PEMT: variants seen among roughly 807,000 people sequenced by gnomAD.
The protein encoded by PEMT is phosphatidylethanolamine N-methyltransferase.
Under a neutral mutation model 27.4 loss-of-function variants are expected in PEMT, and 23 were observed. That is an observed-to-expected ratio of 0.84 (90% CI 0.60 to 1.19). The LOEUF is 1.19. Ranked by LOEUF, PEMT falls within the 50% of genes most tolerant of loss-of-function variation. PEMT has a pLI of 0.00. For missense variants in PEMT, 307 were observed against 310.1 expected (o/e 0.99, Z 0.07); for synonymous variants, 137 against 139.1 (o/e 0.98, Z 0.11).
intron 2 of PEMT, among the ~76,000 whole-genome samples, chr17:17,528,412 G>A (rs980019537): frequency 4.6e-5 from 7 of 152,308 alleles, no homozygotes; most frequent in Non-Finnish European, 7.4e-5. Context: ...AATCCCACGT[G>A]GGGCTACCAC....
chr17:17,549,934 G>A (rs930250235), intron 2 of PEMT, among the ~76,000 whole-genome samples: 3 of 152,230 alleles, frequency 2.0e-5, no homozygotes, highest in Non-Finnish European at 4.4e-5. Context: ...CCAACAGGGG[G>A]TGGGCAGCGT....
At chr17:17,533,504 T>C (rs1200415301) in intron 2 of PEMT, among the ~76,000 whole-genome samples, 1 of 152,262 alleles carries the variant, frequency 6.6e-6, no homozygotes, top group Non-Finnish European at 1.5e-5. Flanking sequence ...TTTAGACTTT[T>C]ATACTTCAAA....
intron 1 of PEMT, among the ~76,000 whole-genome samples, chr17:17,579,092 T>A (rs1911819413): frequency 6.6e-6 from 1 of 152,148 alleles, no homozygotes; most frequent in Non-Finnish European, 1.5e-5. Context: ...GGGGAAGCGG[T>A]GGGGAGGAGA....
chr17:17,562,800 G>A (rs972777776), intron 2 of PEMT, among the ~76,000 whole-genome samples: 3 of 152,030 alleles, frequency 2.0e-5, no homozygotes, highest in African/African-American at 7.2e-5. Context: ...CAGAGCAAGA[G>A]TCTGTCTCAA....
At chr17:17,521,306 AG>A (rs1214685160) in intron 3 of PEMT, among the ~76,000 whole-genome samples, 1 of 152,188 alleles carries the variant, frequency 6.6e-6, no homozygotes, top group African/African-American at 2.4e-5. Flanking sequence ...AATGATTCTC[AG>A]GGTACTGTGG....
Position 17,582,165 on chromosome 17 carries a change from G to A in PEMT, c.97-5138C>T. The A allele has an allele frequency of 3.1e-6, 2 of 653,548 alleles. No individual in the cohort carries two copies. The highest frequency in any genetic ancestry group is 3.8e-6 in the Non-Finnish European group (2 of 526,916). The allele number at this position is 653,548 out of a possible 1,614,324, so 40.5% of individuals were successfully genotyped here. ...GCCCCAACCTCCTTCATACAACAGA[G>A]GTCCCGGCTTTCTGCTACCCAGTAA... On this transcript the variant is annotated intron_variant, in intron 1 of 6. Transcript: ENST00000255389. The surrounding 1 kb of genome is among the most constrained non-coding windows in gnomAD (Gnocchi z 4.9).
At chr17:17,545,674 T>A (rs1022403429) in intron 2 of PEMT, among the ~76,000 whole-genome samples, 1 of 152,226 alleles carries the variant, frequency 6.6e-6, no homozygotes, top group African/African-American at 2.4e-5. Context: ...TACTTTTGCC[T>A]GCTTCCAAAC....
intron 2 of PEMT, among the ~76,000 whole-genome samples, chr17:17,564,879 A>G (rs1300436832): frequency 6.6e-6 from 1 of 152,134 alleles, no homozygotes; most frequent in Non-Finnish European, 1.5e-5. Context: ...GCCTCCAGGA[A>G]CACACACCCC....
chr17:17,506,438 A>G (rs982119650), intron 5 of PEMT, 137 bp from the exon 6 acceptor site: 11 of 604,318 alleles, frequency 1.8e-5, no homozygotes, highest in African/African-American at 1.7e-4. Flanking sequence ...GACCGAGCCC[A>G]GGCAGCACTG....
chr17:17,517,407 C>T (rs764219893), intron 3 of PEMT, among the ~76,000 whole-genome samples: 9 of 152,232 alleles, frequency 5.9e-5, no homozygotes, highest in Non-Finnish European at 1.2e-4. Flanking sequence ...ACGCTGCACA[C>T]GCCCAGCCCT....
intron 3 of PEMT, chr17:17,518,122 C>CCGATGTG (rs1567672802): frequency 1.0e-6 from 1 of 985,400 alleles, no homozygotes; most frequent in African/African-American, 1.7e-5. Flanking sequence ...CCAGGCAATT[C>CCGATGTG]CGATGTGCGC....
In PEMT at chr17:17,522,214, A is replaced by G. The variant is rs991355059; in HGVS notation, c.320+66T>C. On this transcript the variant is annotated intron_variant, in intron 3 of 6. Transcript: ENST00000255389. The stretch of plus-strand genomic sequence containing the variant: ...GCTCCCGCGTGGTGAGGGATGAGGT[A>G]CCACCAGTAGCGGCCCTCCCGCTAG... 9 of 1,164,244 alleles carry G rather than the reference A, an allele frequency of 7.7e-6. No individual in the cohort carries two copies. In the African/African-American group the frequency reaches 1.0e-4, roughly 14 times the overall value. 72.1% of individuals were successfully genotyped at this position (1,164,244 alleles called of 1,614,324 possible). A position where few individuals can be genotyped will look rare whatever the true frequency, so the allele number is the denominator to read the frequency against.
chr17:17,591,957 T>C (rs1291306476), upstream of PEMT: 10 of 985,352 alleles, frequency 1.0e-5, no homozygotes, highest in African/African-American at 1.7e-5. Flanking sequence ...CACCCGAGCC[T>C]GTAACTGACC....
intron 2 of PEMT, among the ~76,000 whole-genome samples, chr17:17,567,362 T>A (rs751080739): frequency 6.6e-6 from 1 of 152,286 alleles, no homozygotes; most frequent in African/African-American, 2.4e-5. Context: ...CCTAGCCTGA[T>A]AGCAGAGGCT....
chr17:17,567,141 A>T (rs1034112758), intron 2 of PEMT, among the ~76,000 whole-genome samples: 7 of 152,190 alleles, frequency 4.6e-5, no homozygotes, highest in Admixed American at 4.6e-4. Flanking sequence ...ACCTACAGGG[A>T]GGGATGGGCC....
At position 17,561,480 on chromosome 17, in the gene PEMT, G is replaced by A. The variant is rs1375994184; in HGVS notation, c.204+15440C>T. Reference sequence around the variant, plus strand: ...AGAGCAGTTCCACAACAGATGCCCTGGGGTGGCTGCCCGAGGGGGAAGCGG... The same window carrying A: ...AGAGCAGTTCCACAACAGATGCCCTAGGGTGGCTGCCCGAGGGGGAAGCGG... On this transcript the variant is annotated intron_variant, in intron 2 of 6. Transcript: ENST00000255389. This position sits in a 1 kb window ranked among gnomAD's most constrained non-coding sequence, Gnocchi z 4.5. 2.0e-5 allele frequency among the ~76,000 whole-genome samples: 3 copies of A among 152,200 alleles called. No homozygotes were observed. The highest frequency in any genetic ancestry group is 4.4e-5 in the Non-Finnish European group (3 of 68,028).
At chr17:17,556,530 C>T (rs985933908) in intron 2 of PEMT, among the ~76,000 whole-genome samples, 1 of 152,144 alleles carries the variant, frequency 6.6e-6, no homozygotes, top group Non-Finnish European at 1.5e-5. Flanking sequence ...CGTGCCACCA[C>T]ACCTGGCTGT....
intron 1 of PEMT, among the ~76,000 whole-genome samples, chr17:17,585,781 A>C (rs113909690): frequency 0.012 from 1,844 of 152,114 alleles, 46 homozygotes; most frequent in African/African-American, 0.042. Context: ...AATGGAAACA[A>C]CTTGACCAAA....
In PEMT at chr17:17,561,031, C is replaced by T. The variant is rs1910437484; in HGVS notation, c.204+15889G>A. Among the ~76,000 whole-genome samples the T allele has an allele frequency of 6.6e-6, 1 of 152,126 alleles. No individual in the cohort carries two copies. The highest frequency in any genetic ancestry group is 2.4e-5 in the African/African-American group (1 of 41,412). ...GCAAGGACCCCGGCCGCGCCTTCCT[C>T]TCCCCTCTCTCCTCCCTTCCTCCAG... On this transcript the variant is annotated intron_variant, in intron 2 of 6. Coordinates refer to ENST00000255389, the MANE Select transcript of PEMT (RefSeq NM_148172.3). This position sits in a 1 kb window ranked among gnomAD's most constrained non-coding sequence, Gnocchi z 4.5.
Sources: allele counts gnomAD v4.1 joint callset (sites outside exome capture counted in the v4.1 genomes callset), GRCh38; gene constraint gnomAD v4.1.1; non-coding constraint Gnocchi (gnomAD v3.1); transcripts MANE v1.5; gene names NCBI Gene and HGNC (gene_info 2026-07-23, HGNC 2026-07-21).